TENM4: variants seen among roughly 807,000 people sequenced by gnomAD.
The protein encoded by TENM4 is teneurin transmembrane protein 4, also known as teneurin-4.
TENM4 carries 82 observed loss-of-function variants against 243.3 expected under a neutral mutation model. The observed-to-expected ratio is 0.34, with a 90% CI of 0.28 to 0.40. The LOEUF is 0.40. Ranked by LOEUF, TENM4 falls within the 10% of genes least tolerant of loss-of-function variation. TENM4 has a pLI of 1.00. For missense variants in TENM4, 3,138 were observed against 3,673.3 expected (o/e 0.85, Z 3.77); for synonymous variants, 1,412 against 1,456.3 (o/e 0.97, Z 0.69).
intron 6 of TENM4, among the ~76,000 whole-genome samples, chr11:78,997,338 C>A (rs1341627674): frequency 6.6e-6 from 1 of 152,162 alleles, no homozygotes; most frequent in Non-Finnish European, 1.5e-5. Flanking sequence ...TACATATGTC[C>A]TTGTTTTGGC....
intron 2 of TENM4, among the ~76,000 whole-genome samples, chr11:79,291,537 G>T (rs767602651): frequency 4.6e-5 from 7 of 152,116 alleles, no homozygotes; most frequent in Non-Finnish European, 8.8e-5. Context: ...TGGGGGCCTA[G>T]AAGTCAGCAG....
intron 1 of TENM4, among the ~76,000 whole-genome samples, chr11:79,370,385 C>A (rs1857758255): frequency 6.6e-6 from 1 of 152,232 alleles, no homozygotes. Flanking sequence ...CTGGCCGCCT[C>A]ATCTCAAGCC....
At chr11:79,408,227 C>T (rs1189909782) in intron 1 of TENM4, among the ~76,000 whole-genome samples, 1 of 152,194 alleles carries the variant, frequency 6.6e-6, no homozygotes, top group South Asian at 2.1e-4. Context: ...AGCCATCTTT[C>T]CTTTTCTTTT....
intron 6 of TENM4, among the ~76,000 whole-genome samples, chr11:78,966,552 A>G (rs902445114): frequency 1.3e-5 from 2 of 152,162 alleles, no homozygotes; most frequent in Non-Finnish European, 2.9e-5. Flanking sequence ...GTGCACAAGG[A>G]GGTCTCAGCA....
intron 28 of TENM4, among the ~76,000 whole-genome samples, chr11:78,697,443 CA>C (rs1193003075): frequency 6.6e-6 from 1 of 152,136 alleles, no homozygotes; most frequent in African/African-American, 2.4e-5. Context: ...ATGCACTTTC[CA>C]GCTTTCCTAT....
chr11:79,366,172 C>T (rs1650276097), intron 1 of TENM4, among the ~76,000 whole-genome samples: 2 of 152,166 alleles, frequency 1.3e-5, no homozygotes, highest in Admixed American at 6.5e-5. Context: ...TGTTTTATCC[C>T]CAGCTCTGAT....
At chr11:79,121,725 C>G (rs891206542) in intron 4 of TENM4, among the ~76,000 whole-genome samples, 3 of 152,110 alleles carry the variant, frequency 2.0e-5, no homozygotes, top group Non-Finnish European at 1.5e-5. Context: ...CCATCGTTTG[C>G]TGGAGGACAG....
intron 15 of TENM4, among the ~76,000 whole-genome samples, chr11:78,804,397 G>A (rs1207855823): frequency 6.6e-6 from 1 of 152,184 alleles, no homozygotes; most frequent in Non-Finnish European, 1.5e-5. Flanking sequence ...AGTATTTGCT[G>A]TTTAAAGTAT....
At chr11:78,727,449 G>C (rs576082583) in intron 22 of TENM4, among the ~76,000 whole-genome samples, 1 of 148,524 alleles carries the variant, frequency 6.7e-6, no homozygotes, top group Non-Finnish European at 1.5e-5. Context: ...AAAAAAAAAA[G>C]AAATTATGTA....
Position 79,407,688 on chromosome 11 carries a change from A to G in TENM4, c.-321+32821T>C, listed in dbSNP as rs901565401. On this transcript the variant is annotated intron_variant, in intron 1 of 33. Transcript: ENST00000278550. ...TTGTATCACTTTAATTACATTCACA[A>G]AGAAGAGGGGAAAATTTTAACCTCC... 8.5e-5 allele frequency among the ~76,000 whole-genome samples: 13 copies of G among 152,324 alleles called. 1 individual carries two copies. The highest frequency in any genetic ancestry group is 3.9e-4 in the Admixed American group (6 of 15,302).
In TENM4 at chr11:79,140,344, G is replaced by T. The variant is rs1455001179; in HGVS notation, c.-66+8366C>A. On this transcript the variant is annotated intron_variant, in intron 4 of 33. Transcript: ENST00000278550. ...CCCTACCCCCAAGGTTGGGCTAAAT[G>T]CCCTTACTTTGATGGTCTGGACTGG... Among the ~76,000 whole-genome samples, 3 of 152,034 alleles carry T rather than the reference G, an allele frequency of 2.0e-5. No homozygotes were observed. The East Asian group carries it at 5.8e-4, about 29-fold the overall frequency.
chr11:79,020,624 A>T (rs1269702023), intron 6 of TENM4, among the ~76,000 whole-genome samples: 1 of 151,764 alleles, frequency 6.6e-6, no homozygotes, highest in Non-Finnish European at 1.5e-5. Context: ...TCCTGGCATT[A>T]AAAAAAACAT....
At chr11:79,355,798 A>G (rs548674234) in intron 1 of TENM4, among the ~76,000 whole-genome samples, 1 of 152,368 alleles carries the variant, frequency 6.6e-6, no homozygotes, top group South Asian at 2.1e-4. Flanking sequence ...AAAGTCATAT[A>G]GCTAGCTGGC....
At chr11:78,937,579 T>C (rs990415271) in intron 6 of TENM4, among the ~76,000 whole-genome samples, 1 of 152,184 alleles carries the variant, frequency 6.6e-6, no homozygotes, top group East Asian at 1.9e-4. Flanking sequence ...CTAGTTCTCT[T>C]AGGTGTTAAA....
At chr11:79,238,709 A>C (rs1864528671) in intron 2 of TENM4, among the ~76,000 whole-genome samples, 1 of 151,888 alleles carries the variant, frequency 6.6e-6, no homozygotes, top group Admixed American at 6.6e-5. Context: ...TTTCTGAAGA[A>C]CCCAGACTAA....
chr11:79,233,854 T>C (rs543139743), intron 2 of TENM4, among the ~76,000 whole-genome samples: 1 of 152,192 alleles, frequency 6.6e-6, no homozygotes, highest in Non-Finnish European at 1.5e-5. Context: ...ATGGTCTGGA[T>C]CCTTCCAATG....
At chr11:78,995,685 C>T (rs969271309) in intron 6 of TENM4, among the ~76,000 whole-genome samples, 1 of 150,170 alleles carries the variant, frequency 6.7e-6, no homozygotes, top group Non-Finnish European at 1.5e-5. Flanking sequence ...GGGCCTTGAA[C>T]ATCACTGCTT....
intron 3 of TENM4, 28 bp downstream of exon 3, chr11:79,215,780 G>A (rs1344726812): frequency 9.1e-6 from 9 of 985,736 alleles, no homozygotes; most frequent in Non-Finnish European, 1.1e-5. Context: ...GCTAATGACA[G>A]AAAATCAGAG....
intron 2 of TENM4, among the ~76,000 whole-genome samples, chr11:79,220,046 G>A (rs1023560408): frequency 1.3e-5 from 2 of 152,198 alleles, no homozygotes; most frequent in African/African-American, 2.4e-5. Context: ...ACAGAAACCC[G>A]GGAGAAAATC....
Sources: allele counts gnomAD v4.1 joint callset (sites outside exome capture counted in the v4.1 genomes callset), GRCh38; gene constraint gnomAD v4.1.1; transcripts MANE v1.5; gene names NCBI Gene and HGNC (gene_info 2026-07-23, HGNC 2026-07-21).